The following DAB1 variants were observed in gnomAD, a reference collection of about 807,000 sequenced individuals.
The protein encoded by DAB1 is DAB adaptor protein 1, also known as disabled homolog 1.
In DAB1, 15 loss-of-function variants were observed where a neutral mutation model predicts 64.6. That is an observed-to-expected ratio of 0.23 (90% CI 0.16 to 0.36). DAB1 has a LOEUF of 0.36. Among genes scored for constraint, DAB1 ranks in the 10% least tolerant of loss-of-function variants. The pLI is 1.00. For synonymous variants in DAB1, 235 were observed against 251.9 expected, an observed-to-expected ratio of 0.93 and a Z score of 0.64; for missense variants, 596 against 706.7, an observed-to-expected ratio of 0.84 and a Z score of 1.78.
chr1:57,708,978 G>T (rs950973089), intron 6 of DAB1, among the ~76,000 whole-genome samples: 1 of 152,056 alleles, frequency 6.6e-6, no homozygotes, highest in Non-Finnish European at 1.5e-5. Flanking sequence ...ACAATCACAC[G>T]AGGGCTCTAT....
chr1:57,855,979 A>G (rs778203920), intron 1 of DAB1, among the ~76,000 whole-genome samples: 5 of 152,220 alleles, frequency 3.3e-5, no homozygotes, highest in Non-Finnish European at 7.3e-5. Flanking sequence ...GAATCAGAAT[A>G]TATTCTAATG....
intron 1 of DAB1, among the ~76,000 whole-genome samples, chr1:58,540,798 G>A (rs987601247): frequency 6.7e-6 from 1 of 150,158 alleles, no homozygotes; most frequent in Non-Finnish European, 1.5e-5. Flanking sequence ...CCAAAAAGCG[G>A]GGAGGAGGTG....
At chr1:57,719,730 C>G (rs1647128841) in intron 6 of DAB1, among the ~76,000 whole-genome samples, 1 of 152,220 alleles carries the variant, frequency 6.6e-6, no homozygotes, top group African/African-American at 2.4e-5. Context: ...AACTGTGAGT[C>G]AATTAAACTT....
chr1:58,160,420 T>G (rs1208513779), intron 4 of DAB1, among the ~76,000 whole-genome samples: 2 of 152,148 alleles, frequency 1.3e-5, no homozygotes, highest in African/African-American at 4.8e-5. Context: ...GATAGAGTAA[T>G]GCCACTCAAG....
At position 57,272,766 on chromosome 1, in the gene DAB1, C is replaced by T. The variant is rs752576451; in HGVS notation, c.67+18198G>A. Among the ~76,000 whole-genome samples the T allele has an allele frequency of 8.5e-5, 13 of 152,292 alleles. No individual in the cohort carries two copies. The Middle Eastern group carries it at 0.01, about 120-fold the overall frequency. ...TGAGTTTAAATAAGGCTCCTACACA[C>T]GTGGCTGGCCATCAGAGAGGTGTTC... On this transcript the variant is annotated intron_variant, in intron 2 of 14. Coordinates refer to ENST00000371236, the MANE Select transcript of DAB1 (RefSeq NM_001365792.1).
chr1:57,063,058 G>A, intron 8 of DAB1, 115 bp from the exon 9 acceptor site: 2 of 845,104 alleles, frequency 2.4e-6, no homozygotes, highest in Non-Finnish European at 1.9e-6. Context: ...ATGGCCCCAG[G>A]GACAAGCCCA....
At chr1:57,755,101 A>G (rs2101808895) in intron 6 of DAB1, among the ~76,000 whole-genome samples, 1 of 152,336 alleles carries the variant, frequency 6.6e-6, no homozygotes, top group Non-Finnish European at 1.5e-5. Context: ...AAATCTTGGT[A>G]TCTAGTAGAG....
chr1:57,362,166 C>T (rs1679605855), intron 1 of DAB1, among the ~76,000 whole-genome samples: 1 of 152,106 alleles, frequency 6.6e-6, no homozygotes, highest in South Asian at 2.1e-4. Context: ...CTCATCCTTA[C>T]CTTGGGCAAG....
In DAB1 at chr1:57,686,187, T is replaced by C. The variant is rs192811176; in HGVS notation, n.552-36522A>G. The stretch of plus-strand genomic sequence containing the variant: ...ATTAACAAAAAAAGGAAGATCCAAA[T>C]AAGTATAATCAGAAATGACAAAGAT... On this transcript the variant is annotated intron_variant and non_coding_transcript_variant, in intron 6 of 20. Coordinates refer to the DAB1 transcript ENST00000485760. Among the ~76,000 whole-genome samples, 760 of 152,174 alleles carry C rather than the reference T, an allele frequency of 5.0e-3. 10 individuals are homozygous for C. Among genetic ancestry groups the C allele is most frequent in the African/African-American group, 0.018 (735 of 41,534 alleles).
chr1:57,698,237 C>T (rs1239018335), intron 6 of DAB1, among the ~76,000 whole-genome samples: 2 of 151,560 alleles, frequency 1.3e-5, no homozygotes, highest in Non-Finnish European at 2.9e-5. Context: ...CAAGCATGCA[C>T]CACCATGCCC....
At chr1:57,159,583 C>T (rs915781506) in intron 2 of DAB1, among the ~76,000 whole-genome samples, 3 of 152,070 alleles carry the variant, frequency 2.0e-5, no homozygotes, top group Non-Finnish European at 4.4e-5. Context: ...TTAATATTTG[C>T]TGAATAAATA....
At chr1:57,143,596 A>G (rs1271781212) in intron 3 of DAB1, among the ~76,000 whole-genome samples, 1 of 152,224 alleles carries the variant, frequency 6.6e-6, no homozygotes, top group Non-Finnish European at 1.5e-5. Context: ...AGACATATAA[A>G]TGAATATCCA....
intron 1 of DAB1, among the ~76,000 whole-genome samples, chr1:57,409,164 G>A (rs1262076525): frequency 3.3e-5 from 5 of 152,088 alleles, no homozygotes; most frequent in African/African-American, 9.7e-5. Context: ...TGCCTCCTGG[G>A]GGCTGCACCT....
chr1:58,379,146 C>A (rs578171686), intron 3 of DAB1, among the ~76,000 whole-genome samples: 28 of 151,994 alleles, frequency 1.8e-4, no homozygotes, highest in African/African-American at 6.5e-4. Flanking sequence ...TCTTCTGCGT[C>A]GCTCACGCTG....
chr1:57,232,157 C>T (rs1025274810), intron 2 of DAB1, among the ~76,000 whole-genome samples: 3 of 151,964 alleles, frequency 2.0e-5, no homozygotes, highest in Non-Finnish European at 4.4e-5. Context: ...ATGGCCTATA[C>T]TTTAGGTTTT....
chr1:58,452,974 A>G (rs1240765053), intron 3 of DAB1, among the ~76,000 whole-genome samples: 1 of 152,242 alleles, frequency 6.6e-6, no homozygotes, highest in Admixed American at 6.5e-5. Context: ...AAATGGTATA[A>G]CTTCTCTTTT....
At chr1:57,351,682 G>A (rs575635431) in intron 1 of DAB1, among the ~76,000 whole-genome samples, 23 of 152,146 alleles carry the variant, frequency 1.5e-4, no homozygotes, top group African/African-American at 3.1e-4. Flanking sequence ...ATGCATGTGC[G>A]CATACACATC....
intron 1 of DAB1, among the ~76,000 whole-genome samples, chr1:57,365,306 T>C (rs1451784621): frequency 7.0e-6 from 1 of 142,038 alleles, no homozygotes; most frequent in African/African-American, 2.6e-5. Context: ...AAAGAATACA[T>C]AAACATATAT....
At chr1:58,500,671 T>C (rs1046441838) in intron 3 of DAB1, among the ~76,000 whole-genome samples, 3 of 152,184 alleles carry the variant, frequency 2.0e-5, no homozygotes, top group Non-Finnish European at 4.4e-5. Context: ...ATTCAAATTA[T>C]GACTATAAAC....
Sources: gnomAD v4.1 joint callset for allele counts (sites outside exome capture counted in the v4.1 genomes callset) on GRCh38, gnomAD v4.1.1 for gene constraint, MANE v1.5 for transcripts, NCBI Gene and HGNC (gene_info 2026-07-23, HGNC 2026-07-21) for gene names.